Variants in HELZ observed in about 807,000 individuals in gnomAD.
HELZ encodes the protein ATP-dependent RNA helicase with zinc finger domain.
In HELZ, 23 loss-of-function variants were observed where a neutral mutation model predicts 218.2. That is an observed-to-expected ratio of 0.11 (90% CI 0.08 to 0.15). HELZ has a LOEUF of 0.15. HELZ is among the 10% of genes least tolerant of loss of function. The pLI, the probability that HELZ is intolerant of heterozygous loss-of-function variation, is 1.00. For missense variants in HELZ, 1,813 were observed against 2,353.7 expected, an observed-to-expected ratio of 0.77 and a Z score of 4.75; for synonymous variants, 814 against 829.4, an observed-to-expected ratio of 0.98 and a Z score of 0.32.
In HELZ at chr17:67,097,633, C is replaced by T. The variant is rs115695073; in HGVS notation, c.5241+9536G>A. On this transcript the variant is annotated intron_variant, in intron 31 of 32. Coordinates refer to ENST00000358691, the MANE Select transcript of HELZ (RefSeq NM_014877.4). Reference sequence around the variant, plus strand: ...TACAATATTACATCTCAGAGAAAAACGTCAGGTTCACTGCTGTGACATTTG... The same window carrying T: ...TACAATATTACATCTCAGAGAAAAATGTCAGGTTCACTGCTGTGACATTTG... Among the ~76,000 whole-genome samples, 244 of 152,274 alleles carry T rather than the reference C, an allele frequency of 1.6e-3. 1 individual carries two copies. Among genetic ancestry groups the T allele is most frequent in the African/African-American group, 5.6e-3 (234 of 41,556 alleles).
intron 32 of HELZ, among the ~76,000 whole-genome samples, chr17:67,082,645 G>T (rs1038025364): frequency 6.6e-6 from 1 of 151,904 alleles, no homozygotes; most frequent in South Asian, 2.1e-4. Flanking sequence ...CCCTTTAAAT[G>T]TCACTGATTT....
intron 5 of HELZ, among the ~76,000 whole-genome samples, chr17:67,206,783 G>C (rs1353398363): frequency 6.6e-6 from 1 of 151,790 alleles, no homozygotes. Flanking sequence ...ATTTTTAGTA[G>C]AGACGGGCTT....
chr17:67,200,968 G>A (rs1202340150), intron 7 of HELZ, 161 bp downstream of exon 7: 3 of 656,682 alleles, frequency 4.6e-6, no homozygotes, highest in Non-Finnish European at 8.4e-6. Context: ...TGGGACTGTG[G>A]GTTATGGGGG....
chr17:67,137,098 T>C (rs904834849), intron 22 of HELZ, among the ~76,000 whole-genome samples: 1 of 152,182 alleles, frequency 6.6e-6, no homozygotes, highest in African/African-American at 2.4e-5. Flanking sequence ...GCACAGCTGA[T>C]TTCATAAAGA....
At chr17:67,197,915 C>T (rs1343602774) in intron 7 of HELZ, among the ~76,000 whole-genome samples, 1 of 151,838 alleles carries the variant, frequency 6.6e-6, no homozygotes, top group East Asian at 1.9e-4. Flanking sequence ...TATAAGAATA[C>T]ACAGATTAAC....
chr17:67,115,414 A>C lies in HELZ; in HGVS notation c.3839-1011T>G, dbSNP rs929948190. ...ATCTGAAAAGATATAAAGTTTAAAA[A>C]TTTACATACTTGATAAAAATTATAA... On this transcript the variant is annotated intron_variant, in intron 27 of 32. Transcript: ENST00000358691. Among the ~76,000 whole-genome samples, 3 of 152,106 alleles carry C rather than the reference A, an allele frequency of 2.0e-5. No individual in the cohort carries two copies. In the South Asian group the frequency reaches 6.2e-4, roughly 31 times the overall value.
chr17:67,224,057 T>C (rs763985250), intron 3 of HELZ, among the ~76,000 whole-genome samples: 3 of 152,156 alleles, frequency 2.0e-5, no homozygotes, highest in Middle Eastern at 3.2e-3. Context: ...TCTCAGACCA[T>C]GTGGTTCCTG....
intron 3 of HELZ, among the ~76,000 whole-genome samples, chr17:67,219,756 TATAAAG>T (rs1428495762): frequency 2.6e-5 from 4 of 152,152 alleles, no homozygotes; most frequent in African/African-American, 9.7e-5. Flanking sequence ...CTACCAGTTC[TATAAAG>T]AACTGGTTAG....
chr17:67,240,860 C>T (rs1010571925), intron 2 of HELZ, among the ~76,000 whole-genome samples: 1 of 152,198 alleles, frequency 6.6e-6, no homozygotes, highest in Non-Finnish European at 1.5e-5. Flanking sequence ...AGTTGAAAAA[C>T]TTTCCATTTC....
At chr17:67,184,121 A>G (rs1160135190) in intron 12 of HELZ, among the ~76,000 whole-genome samples, 3 of 152,202 alleles carry the variant, frequency 2.0e-5, no homozygotes, top group African/African-American at 7.2e-5. Flanking sequence ...AAATATAAAC[A>G]TTTGCTATAT....
intron 24 of HELZ, among the ~76,000 whole-genome samples, chr17:67,127,839 CT>C (rs2037849469): frequency 7.3e-6 from 1 of 137,790 alleles, no homozygotes; most frequent in African/African-American, 2.8e-5. Context: ...GAGATCCCCT[CT>C]CAAAAAAAAA....
chr17:67,166,358 C>T (rs2039144037), intron 15 of HELZ, 120 bp downstream of exon 15: 1 of 746,274 alleles, frequency 1.3e-6, no homozygotes. Context: ...CCTTTCTAAA[C>T]CAATATCTCC....
chr17:67,167,350 C>A, intron 14 of HELZ, 113 bp downstream of exon 14: 1 of 767,714 alleles, frequency 1.3e-6, no homozygotes, highest in Non-Finnish European at 2.1e-6. Context: ...CTGTAGACTT[C>A]AAAGTCAGCT....
chr17:67,214,105 T>C (rs1430351534), intron 5 of HELZ, among the ~76,000 whole-genome samples: 2 of 152,174 alleles, frequency 1.3e-5, no homozygotes, highest in Non-Finnish European at 2.9e-5. Context: ...TTGCTCATTG[T>C]AATTTTAAAA....
chr17:67,133,372 A>G (rs530581975), intron 23 of HELZ, among the ~76,000 whole-genome samples: 24 of 152,282 alleles, frequency 1.6e-4, no homozygotes, highest in African/African-American at 5.5e-4. Context: ...TGTCAAGACA[A>G]TGGATGAAAA....
chr17:67,197,075 C>A (rs769469579), intron 7 of HELZ, among the ~76,000 whole-genome samples: 27 of 152,140 alleles, frequency 1.8e-4, no homozygotes, highest in Non-Finnish European at 2.9e-4. Flanking sequence ...TGTTCCCACC[C>A]AAATCTCATC....
chr17:67,245,239 C>G, upstream of HELZ: 8 of 983,066 alleles, frequency 8.1e-6, no homozygotes, highest in South Asian at 4.6e-5. Context: ...TGACTCCCCC[C>G]GGCCCCCGAC....
At chr17:67,093,020 A>C (rs1279118513) in intron 31 of HELZ, among the ~76,000 whole-genome samples, 1 of 152,206 alleles carries the variant, frequency 6.6e-6, no homozygotes, top group East Asian at 1.9e-4. Context: ...GGTCTCCAGC[A>C]TAAAAGATAG....
chr17:67,160,866 G>A, intron 16 of HELZ, 31 bp downstream of exon 16: 1 of 1,509,526 alleles, frequency 6.6e-7, no homozygotes. Context: ...ATCCTACCAG[G>A]GAAATATGAG....
Sources: gnomAD v4.1 joint callset for allele counts (sites outside exome capture counted in the v4.1 genomes callset) on GRCh38, gnomAD v4.1.1 for gene constraint, MANE v1.5 for transcripts, NCBI Gene and HGNC (gene_info 2026-07-23, HGNC 2026-07-21) for gene names.